TOGARAM2: variants seen among roughly 807,000 people sequenced by gnomAD.
TOGARAM2 encodes the protein TOG array regulator of axonemal microtubules 2, also known as TOG array regulator of axonemal microtubules protein 2.
Under a neutral mutation model 93.3 loss-of-function variants are expected in TOGARAM2, and 85 were observed. That is an observed-to-expected ratio of 0.91 (90% confidence interval 0.76 to 1.09). The LOEUF is 1.09. Ranked by LOEUF, TOGARAM2 falls within the 50% of genes least tolerant of loss-of-function variation. The probability of loss-of-function intolerance (pLI) is 0.00; values close to 1 mark genes in which losing one functional copy is unlikely to be tolerated. For synonymous variants in TOGARAM2, 593 were observed against 552.8 expected (o/e 1.07, Z -1.02); for missense variants, 1,277 against 1,334.5 (o/e 0.96, Z 0.67).
At chr2:29,010,241 T>G (rs2148319450) in intron 6 of TOGARAM2, among the ~76,000 whole-genome samples, 1 of 152,126 alleles carries the variant, frequency 6.6e-6, no homozygotes, top group Non-Finnish European at 1.5e-5. Flanking sequence ...CCGCCTCCAA[T>G]CCTCTTAGTG....
chr2:29,022,904 A>G (rs1665052666), intron 11 of TOGARAM2, among the ~76,000 whole-genome samples, 182 bp from the exon 12 acceptor site: 1 of 151,912 alleles, frequency 6.6e-6, no homozygotes, highest in Non-Finnish European at 1.5e-5. Flanking sequence ...GCTTTTACTG[A>G]GTGGTTAGGA....
chr2:29,010,492 A>G (rs1664175957), intron 6 of TOGARAM2, among the ~76,000 whole-genome samples: 1 of 152,054 alleles, frequency 6.6e-6, no homozygotes. Flanking sequence ...ACAGTCCCCA[A>G]GGATCAGGGT....
chr2:29,042,544 C>T (rs572790441), intron 18 of TOGARAM2, among the ~76,000 whole-genome samples: 11 of 152,174 alleles, frequency 7.2e-5, no homozygotes, highest in Admixed American at 3.9e-4. Flanking sequence ...AAAGAACACT[C>T]GGGGGGGCTA....
chr2:28,992,016 C>G (rs1672757280), intron 1 of TOGARAM2, among the ~76,000 whole-genome samples: 1 of 152,120 alleles, frequency 6.6e-6, no homozygotes, highest in Non-Finnish European at 1.5e-5. Flanking sequence ...GCTCATTTAG[C>G]CCTTTGGGTC....
At position 29,024,492 on chromosome 2, in the gene TOGARAM2, C is replaced by A. The variant is rs190869532; in HGVS notation, c.1853+118C>A. On this transcript the variant is annotated intron_variant, in intron 13 of 19. Coordinates refer to ENST00000379558, the MANE Select transcript of TOGARAM2 (RefSeq NM_199280.4). ...GCAGGGAGGGAGGGAGGGAAGCAGG[C>A]AAGTGAGGCTGCAGGGGGTCCCTTG... 7.5e-4 allele frequency: 615 copies of A among 815,446 alleles called. 7 individuals carry two copies. The Admixed American group carries it at 8.7e-3, about 12-fold the overall frequency. 50.5% of individuals were successfully genotyped at this position (815,446 alleles called of 1,614,324 possible).
chr2:29,043,758 CTGA>C (rs1666578426), intron 18 of TOGARAM2, among the ~76,000 whole-genome samples: 1 of 152,208 alleles, frequency 6.6e-6, no homozygotes, highest in Non-Finnish European at 1.5e-5. Flanking sequence ...GGAGAAGGTT[CTGA>C]TGATGGTGTG....
intron 1 of TOGARAM2, among the ~76,000 whole-genome samples, chr2:28,973,837 G>A (rs1361107500): frequency 1.3e-5 from 2 of 152,114 alleles, no homozygotes; most frequent in Non-Finnish European, 2.9e-5. Context: ...CCTGCCCTTA[G>A]CCATTCTTTG....
intron 1 of TOGARAM2, among the ~76,000 whole-genome samples, chr2:28,974,148 G>A (rs1671993112): frequency 9.5e-6 from 1 of 105,414 alleles, no homozygotes; most frequent in African/African-American, 3.7e-5. Flanking sequence ...TTTTTTCTGA[G>A]GCGAAGTCTC....
At chr2:28,971,537 G>T (rs1671946795) in intron 1 of TOGARAM2, among the ~76,000 whole-genome samples, 1 of 152,192 alleles carries the variant, frequency 6.6e-6, no homozygotes, top group African/African-American at 2.4e-5. Flanking sequence ...CTAGAGAAAG[G>T]ATTGGTGGGG....
At chr2:29,017,453 C>G in intron 9 of TOGARAM2, 149 bp downstream of exon 9, 1 of 867,310 alleles carries the variant, frequency 1.2e-6, no homozygotes, top group Non-Finnish European at 1.7e-6. Flanking sequence ...GTGGCCCAGG[C>G]TAAAGGGCAG....
At chr2:28,958,920 G>A (rs565172949) in intron 1 of TOGARAM2, among the ~76,000 whole-genome samples, 7 of 152,310 alleles carry the variant, frequency 4.6e-5, no homozygotes, top group South Asian at 2.1e-4. Flanking sequence ...CTTTCTGCGC[G>A]CCAGCCCTCT....
At chr2:28,971,491 C>T (rs1036015913) in intron 1 of TOGARAM2, among the ~76,000 whole-genome samples, 5 of 152,088 alleles carry the variant, frequency 3.3e-5, no homozygotes, top group Non-Finnish European at 5.9e-5. Context: ...GGATTATAGG[C>T]GTGGGTCACC....
intron 4 of TOGARAM2, among the ~76,000 whole-genome samples, chr2:29,000,901 C>T (rs1673253454): frequency 6.6e-6 from 1 of 152,206 alleles, no homozygotes. Context: ...GCTGCCAGAC[C>T]AACAACTCTC....
chr2:29,015,894 G>A (rs1458081367), intron 8 of TOGARAM2, among the ~76,000 whole-genome samples: 2 of 152,160 alleles, frequency 1.3e-5, no homozygotes, highest in African/African-American at 2.4e-5. Flanking sequence ...CTGGCCTCTC[G>A]TCTATTTATA....
intron 10 of TOGARAM2, chr2:29,018,484 T>G (rs1664733351): frequency 6.6e-6 from 1 of 152,380 alleles, no homozygotes; most frequent in African/African-American, 2.4e-5. Context: ...TCATTTTTTT[T>G]TTTTGTATAC....
At chr2:28,993,252 G>T (rs564396506) in intron 1 of TOGARAM2, among the ~76,000 whole-genome samples, 1 of 152,088 alleles carries the variant, frequency 6.6e-6, no homozygotes, top group Non-Finnish European at 1.5e-5. Context: ...TATAATTTTC[G>T]TAGAAAGTGT....
chr2:28,984,934 C>T (rs1558401796), intron 1 of TOGARAM2, among the ~76,000 whole-genome samples: 1 of 152,216 alleles, frequency 6.6e-6, no homozygotes, highest in African/African-American at 2.4e-5. Context: ...CCCAGTCCTG[C>T]TGAAGGCCTT....
chr2:29,050,538 G>C (rs1227982053), intron 19 of TOGARAM2: 1 of 152,140 alleles, frequency 6.6e-6, no homozygotes, highest in Admixed American at 6.5e-5. Flanking sequence ...TCTGGAAAAC[G>C]GACAAGCATC....
chr2:28,968,822 A>C (rs546625408), intron 1 of TOGARAM2, among the ~76,000 whole-genome samples: 25 of 121,612 alleles, frequency 2.1e-4, no homozygotes, highest in African/African-American at 7.3e-4. Context: ...TGTCAAAAAA[A>C]AAAAAAAAAA....
Sources: gnomAD v4.1 joint callset for allele counts (sites outside exome capture counted in the v4.1 genomes callset) on GRCh38, gnomAD v4.1.1 for gene constraint, MANE v1.5 for transcripts, NCBI Gene and HGNC (gene_info 2026-07-23, HGNC 2026-07-21) for gene names.